MAD1L1: variants seen among roughly 807,000 people sequenced by gnomAD.
MAD1L1 encodes the protein mitotic spindle assembly checkpoint protein MAD1.
MAD1L1 carries 95 observed loss-of-function variants against 96.9 expected under a neutral mutation model. The ratio of observed to expected loss-of-function variants is 0.98; its 90% CI spans 0.83 to 1.16. The LOEUF is 1.16. Among genes scored for constraint, MAD1L1 ranks in the 50% most tolerant of loss-of-function variants. The pLI is 0.00. For missense variants in MAD1L1, 1,007 were observed against 954.4 expected, an observed-to-expected ratio of 1.06 and a Z score of -0.73; for synonymous variants, 473 against 396.6, an observed-to-expected ratio of 1.19 and a Z score of -2.29.
intron 13 of MAD1L1, among the ~76,000 whole-genome samples, chr7:2,008,311 A>C (rs1175664197): frequency 6.6e-6 from 1 of 152,138 alleles, no homozygotes; most frequent in African/African-American, 2.4e-5. Flanking sequence ...TCTGTGATGG[A>C]GGCAGTGGGT....
chr7:1,919,457 C>T (rs1223556121), intron 17 of MAD1L1, among the ~76,000 whole-genome samples: 6 of 152,228 alleles, frequency 3.9e-5, no homozygotes, highest in African/African-American at 9.6e-5. Context: ...CTGCCGTCCT[C>T]GCTGGGGACC....
At chr7:2,042,162 T>G (rs573723400) in intron 12 of MAD1L1, among the ~76,000 whole-genome samples, 54 of 145,618 alleles carry the variant, frequency 3.7e-4, no homozygotes, top group African/African-American at 1.4e-3. Flanking sequence ...CACACACATA[T>G]GTACACACAT....
intron 11 of MAD1L1, among the ~76,000 whole-genome samples, chr7:2,090,529 G>A (rs1786154806): frequency 6.6e-6 from 1 of 152,226 alleles, no homozygotes; most frequent in Admixed American, 6.5e-5. Flanking sequence ...GACAGCACCA[G>A]TGTGTCTGTC....
In MAD1L1 at chr7:2,119,991, G is replaced by A. The variant is rs1270393725; in HGVS notation, c.1073+29161C>T. Among the ~76,000 whole-genome samples, 1 of 152,190 alleles carries A rather than the reference G, an allele frequency of 6.6e-6. No homozygotes were observed. Among genetic ancestry groups the A allele is most frequent in the Admixed American group, 6.5e-5 (1 of 15,284 alleles). The stretch of plus-strand genomic sequence containing the variant: ...CCAAGGCATCCCTAGCAATGCCCCA[G>A]GTGGAGGAGCCCCAGTTCATGCTCT... On this transcript the variant is annotated intron_variant, in intron 11 of 18. Coordinates refer to ENST00000265854, the MANE Select transcript of MAD1L1 (RefSeq NM_001013836.2). This position sits in a 1 kb window ranked among gnomAD's most constrained non-coding sequence, Gnocchi z 4.6.
intron 15 of MAD1L1, among the ~76,000 whole-genome samples, chr7:1,961,669 C>T (rs1027949037): frequency 3.3e-5 from 5 of 152,226 alleles, no homozygotes; most frequent in African/African-American, 1.2e-4. Flanking sequence ...GCTATGATAC[C>T]TGATAGGGTT....
intron 17 of MAD1L1, among the ~76,000 whole-genome samples, chr7:1,907,246 G>A (rs1318818163): frequency 6.6e-6 from 1 of 152,206 alleles, no homozygotes; most frequent in East Asian, 1.9e-4. Context: ...CTGGACCGGT[G>A]CCCCAGTGAG....
At chr7:1,938,461 C>CA (rs904828639) in intron 16 of MAD1L1, among the ~76,000 whole-genome samples, 1 of 152,130 alleles carries the variant, frequency 6.6e-6, no homozygotes, top group Non-Finnish European at 1.5e-5. Context: ...GAACTTCATC[C>CA]ACTGAAACAG....
At chr7:2,140,333 A>G (rs1031101941) in intron 11 of MAD1L1, among the ~76,000 whole-genome samples, 1 of 152,220 alleles carries the variant, frequency 6.6e-6, no homozygotes, top group Non-Finnish European at 1.5e-5. Flanking sequence ...GTTCTTACAC[A>G]GGACCCTCAA....
intron 17 of MAD1L1, among the ~76,000 whole-genome samples, chr7:1,926,061 C>T (rs1789071040): frequency 6.6e-6 from 1 of 152,086 alleles, no homozygotes; most frequent in South Asian, 2.1e-4. Context: ...CGACCAGTAT[C>T]AGGAAGGAAG....
At chr7:1,863,072 C>T (rs1784606026) in intron 18 of MAD1L1, among the ~76,000 whole-genome samples, 1 of 152,232 alleles carries the variant, frequency 6.6e-6, no homozygotes, top group Non-Finnish European at 1.5e-5. Flanking sequence ...GGAGGGGACG[C>T]TGCACTCCGC....
chr7:2,189,103 T>C (rs1017910251), intron 10 of MAD1L1, among the ~76,000 whole-genome samples: 1 of 151,876 alleles, frequency 6.6e-6, no homozygotes, highest in Non-Finnish European at 1.5e-5. Flanking sequence ...ATTAGGGAAA[T>C]GCATATCAAA....
At chr7:1,976,048 G>T (rs575706663) in intron 15 of MAD1L1, among the ~76,000 whole-genome samples, 15 of 152,186 alleles carry the variant, frequency 9.9e-5, no homozygotes, top group Admixed American at 2.6e-4. Context: ...CCCCACCGAC[G>T]CTCTCTCTAG....
intron 17 of MAD1L1, among the ~76,000 whole-genome samples, chr7:1,911,804 T>C (rs917990539): frequency 6.6e-6 from 1 of 152,148 alleles, no homozygotes; most frequent in East Asian, 1.9e-4. Context: ...ATGAAGCCCC[T>C]CTTGGGCATC....
intron 16 of MAD1L1, 92 bp downstream of exon 16, chr7:1,957,537 G>T: frequency 7.9e-7 from 1 of 1,259,516 alleles, no homozygotes; most frequent in Non-Finnish European, 1.1e-6. Flanking sequence ...GAAAACGGGT[G>T]TTCTGTGGCA....
intron 11 of MAD1L1, among the ~76,000 whole-genome samples, chr7:2,070,215 C>T (rs972883039): frequency 5.9e-5 from 9 of 152,218 alleles, no homozygotes; most frequent in Admixed American, 3.9e-4. Flanking sequence ...CAAATGACAG[C>T]GTCCACTGAC....
At chr7:1,821,945 G>C (rs1782146107) in intron 18 of MAD1L1, among the ~76,000 whole-genome samples, 1 of 152,154 alleles carries the variant, frequency 6.6e-6, no homozygotes, top group Middle Eastern at 3.2e-3. Context: ...GAAAAGGAAA[G>C]CAGCAGCATA....
At chr7:1,861,042 C>A (rs1424536243) in intron 18 of MAD1L1, among the ~76,000 whole-genome samples, 1 of 152,254 alleles carries the variant, frequency 6.6e-6, no homozygotes, top group Non-Finnish European at 1.5e-5. Flanking sequence ...GAAGCCGTCA[C>A]TGGGACACCC....
chr7:1,878,743 CA>C (rs1562483412), intron 18 of MAD1L1, among the ~76,000 whole-genome samples: 2 of 138,550 alleles, frequency 1.4e-5, no homozygotes, highest in African/African-American at 2.8e-5. Context: ...CCCCCCCCCC[CA>C]TTCTTATTCA....
rs769028965 is a variant in MAD1L1, at chr7:2,069,213, C to T, written c.1199G>A (p.Arg400Gln). The T allele has an allele frequency of 3.1e-6, 5 of 1,602,782 alleles. No individual in the cohort carries two copies. Among genetic ancestry groups the T allele is most frequent in the Admixed American group, 1.7e-5 (1 of 58,596 alleles). Residue 400 changes from arginine to glutamine, a missense_variant, in exon 12 of 19, where the codon CGG becomes CAG. Arg to Gln is a conservative substitution (Grantham distance 43, BLOSUM62 1). Transcript: ENST00000265854. ...CATCACCTTGGTGAGCAGCAGGACC[C>T]GTTTCTGGAGCCTCCGGGCCAGCGC... is the stretch of plus-strand genomic sequence containing the variant. ...HEALARRLQK[R>Q]VLLLTKERDG...
Sources: gnomAD v4.1 joint callset for allele counts (sites outside exome capture counted in the v4.1 genomes callset) on GRCh38, gnomAD v4.1.1 for gene constraint, Gnocchi (gnomAD v3.1) non-coding constraint, MANE v1.5 for transcripts, NCBI Gene and HGNC (gene_info 2026-07-23, HGNC 2026-07-21) for gene names.